Variants in GABBR2 observed in about 807,000 individuals in gnomAD.
The protein encoded by GABBR2 is G-protein coupled receptor 51.
In GABBR2, 23 loss-of-function variants were observed where a neutral mutation model predicts 105.6. That is an observed-to-expected ratio of 0.22 (90% CI 0.16 to 0.31). The LOEUF (loss-of-function observed/expected upper bound fraction) is 0.31. Ranked by LOEUF, GABBR2 falls within the 10% of genes least tolerant of loss-of-function variation. The probability of loss-of-function intolerance (pLI) is 1.00; values close to 1 mark genes in which losing one functional copy is unlikely to be tolerated. For synonymous variants in GABBR2, 478 were observed against 499.7 expected, an observed-to-expected ratio of 0.96 and a Z score of 0.58; for missense variants, 734 against 1,245.5, an observed-to-expected ratio of 0.59 and a Z score of 6.18.
intron 1 of GABBR2, among the ~76,000 whole-genome samples, chr9:98,596,922 G>A (rs187508913): frequency 7.6e-4 from 116 of 152,272 alleles, no homozygotes; most frequent in Admixed American, 1.7e-3. Flanking sequence ...AAGCCTGCAA[G>A]CCTTAGGCAA....
At chr9:98,410,777 G>C (rs1039803216) in intron 7 of GABBR2, among the ~76,000 whole-genome samples, 2 of 152,054 alleles carry the variant, frequency 1.3e-5, no homozygotes, top group Non-Finnish European at 2.9e-5. Context: ...AAATTCCCTG[G>C]AAGTAAGATC....
intron 7 of GABBR2, among the ~76,000 whole-genome samples, chr9:98,437,615 T>A: frequency 6.7e-6 from 1 of 148,960 alleles, no homozygotes; most frequent in Non-Finnish European, 1.5e-5. Flanking sequence ...GTCTGTCCTC[T>A]TATCTGCCCA....
At chr9:98,543,208 T>TC (rs1358677765) in intron 2 of GABBR2, among the ~76,000 whole-genome samples, 2 of 152,116 alleles carry the variant, frequency 1.3e-5, no homozygotes, top group Non-Finnish European at 2.9e-5. Flanking sequence ...CTCTGTTCCT[T>TC]CCCTCAGCCT....
intron 8 of GABBR2, among the ~76,000 whole-genome samples, chr9:98,395,425 G>A (rs927008435): frequency 2.0e-5 from 3 of 152,026 alleles, no homozygotes; most frequent in Non-Finnish European, 2.9e-5. Flanking sequence ...GCTGGGGGGC[G>A]AGCAGGAGTC....
At chr9:98,563,357 G>A (rs1239100677) in intron 2 of GABBR2, among the ~76,000 whole-genome samples, 3 of 152,206 alleles carry the variant, frequency 2.0e-5, no homozygotes, top group African/African-American at 7.2e-5. Context: ...TAACTATCAG[G>A]CAAGACTGCA....
At chr9:98,318,992 G>A (rs1830773565) in intron 13 of GABBR2, among the ~76,000 whole-genome samples, 1 of 151,894 alleles carries the variant, frequency 6.6e-6, no homozygotes. Context: ...TCAGAGTTTT[G>A]AGATGGTTCT....
chr9:98,355,590 G>A (rs562487566), intron 13 of GABBR2, among the ~76,000 whole-genome samples: 5 of 152,070 alleles, frequency 3.3e-5, no homozygotes, highest in Admixed American at 6.6e-5. Context: ...TAAATAAATG[G>A]AGAAATATTT....
intron 7 of GABBR2, among the ~76,000 whole-genome samples, chr9:98,428,531 AG>A (rs1312125295): frequency 6.6e-6 from 1 of 152,224 alleles, no homozygotes; most frequent in African/African-American, 2.4e-5. Flanking sequence ...GTAAGGAAGA[AG>A]AAAAGTAGAG....
chr9:98,517,668 C>T (rs1564101294), intron 3 of GABBR2, among the ~76,000 whole-genome samples: 1 of 152,224 alleles, frequency 6.6e-6, no homozygotes, highest in African/African-American at 2.4e-5. Context: ...TGGTTATTCC[C>T]ATTTGCTTTC....
intron 7 of GABBR2, among the ~76,000 whole-genome samples, chr9:98,413,040 C>A (rs996304100): frequency 3.9e-5 from 6 of 152,206 alleles, no homozygotes; most frequent in African/African-American, 1.2e-4. Flanking sequence ...ATATTAAATA[C>A]ATGTGAATGC....
chr9:98,325,343 G>A (rs539711927), intron 13 of GABBR2, among the ~76,000 whole-genome samples: 176 of 138,354 alleles, frequency 1.3e-3, no homozygotes, highest in Non-Finnish European at 2.3e-3. Flanking sequence ...CCAGGCTGGA[G>A]TGCAGTGGTG....
intron 1 of GABBR2, among the ~76,000 whole-genome samples, chr9:98,629,409 G>A (rs562561611): frequency 1.3e-5 from 2 of 152,284 alleles, no homozygotes; most frequent in South Asian, 4.1e-4. Context: ...GCTGCTGGGA[G>A]CTCCTTAAAT....
At chr9:98,510,666 G>C (rs1208467063) in intron 3 of GABBR2, among the ~76,000 whole-genome samples, 1 of 151,762 alleles carries the variant, frequency 6.6e-6, no homozygotes, top group African/African-American at 2.4e-5. Flanking sequence ...GATCAAAAGA[G>C]ACAAAGAAGG....
At chr9:98,614,321 C>T (rs946534809) in intron 1 of GABBR2, among the ~76,000 whole-genome samples, 2 of 152,134 alleles carry the variant, frequency 1.3e-5, no homozygotes, top group African/African-American at 4.8e-5. Context: ...GTCAGAAGTT[C>T]GAGACCAGCC....
At chr9:98,466,297 T>C (rs548335176) in intron 6 of GABBR2, among the ~76,000 whole-genome samples, 16 of 152,360 alleles carry the variant, frequency 1.1e-4, no homozygotes, top group South Asian at 8.3e-4. Context: ...AGCAGGCATC[T>C]GAATGGCAAA....
chr9:98,506,638 C>CT (rs1827517791), intron 3 of GABBR2, among the ~76,000 whole-genome samples: 1 of 152,188 alleles, frequency 6.6e-6, no homozygotes, highest in Non-Finnish European at 1.5e-5. Context: ...CTGTGGTGCT[C>CT]TGGGGGCACC....
intron 4 of GABBR2, among the ~76,000 whole-genome samples, chr9:98,487,586 G>A (rs1588189800): frequency 6.6e-6 from 1 of 151,116 alleles, no homozygotes; most frequent in Non-Finnish European, 1.5e-5. Flanking sequence ...ACCAGTCTGG[G>A]AAACGTGGAG....
chr9:98,436,142 C>T (rs944285702), intron 7 of GABBR2, among the ~76,000 whole-genome samples: 1 of 150,228 alleles, frequency 6.7e-6, no homozygotes, highest in Non-Finnish European at 1.5e-5. Flanking sequence ...TGTGGTTGTA[C>T]CAAGTTTTTA....
chr9:98,567,571 GGGCCCGGTT>G (rs1023265818), intron 2 of GABBR2, among the ~76,000 whole-genome samples: 2 of 152,174 alleles, frequency 1.3e-5, no homozygotes, highest in Non-Finnish European at 2.9e-5. Flanking sequence ...TACATTTTCA[GGGCCCGGTT>G]GGCATCACAG....
Sources: allele counts gnomAD v4.1 joint callset (sites outside exome capture counted in the v4.1 genomes callset), GRCh38; gene constraint gnomAD v4.1.1; transcripts MANE v1.5; gene names NCBI Gene and HGNC (gene_info 2026-07-23, HGNC 2026-07-21).